SCAF11: variants seen among roughly 807,000 people sequenced by gnomAD.
SCAF11 encodes the protein protein SCAF11.
Under a neutral mutation model 140.5 loss-of-function variants are expected in SCAF11, and 47 were observed. The observed-to-expected ratio is 0.33, with a 90% confidence interval of 0.26 to 0.43. SCAF11 has a LOEUF of 0.43. Among genes scored for constraint, SCAF11 ranks in the 20% least tolerant of loss-of-function variants. The probability of loss-of-function intolerance (pLI) is 1.00; values close to 1 mark genes in which losing one functional copy is unlikely to be tolerated. For missense variants in SCAF11, 1,645 were observed against 1,705.1 expected, an observed-to-expected ratio of 0.96 and a Z score of 0.62; for synonymous variants, 557 against 579.4, an observed-to-expected ratio of 0.96 and a Z score of 0.55.
At chr12:45,924,287 G>C (rs1443647021) in intron 12 of SCAF11, among the ~76,000 whole-genome samples, 1 of 152,116 alleles carries the variant, frequency 6.6e-6, no homozygotes, top group Non-Finnish European at 1.5e-5. Flanking sequence ...AGATGGTAAT[G>C]GATAATAAAC....
At chr12:45,961,648 G>A (rs1470359975) in intron 3 of SCAF11, 52 bp downstream of exon 3, 1 of 1,438,244 alleles carries the variant, frequency 7.0e-7, no homozygotes. Context: ...AACTCTTTAG[G>A]TGAAATGAAA....
rs201718690 is a variant in SCAF11 at position 45,928,779 on chromosome 12, T to C, written c.922A>G (p.Arg308Gly). ...ATTGCAGGTTTTCGTCTTGATCCTC[T>C]GGTATTTGATGTACCAGAAGTTTGC... ...KKQTSGTSNT[R>G]GSRRKPAMTT... The change falls in exon 11 of 15, where the codon AGA becomes GGA. Residue 308 changes from arginine to glycine, a missense_variant. Around this residue, in one of 2 missense-constraint regions of SCAF11, gnomAD observed 1,582 missense variants for 1,609.2 expected, o/e 0.98. Coordinates refer to ENST00000369367, the MANE Select transcript of SCAF11 (RefSeq NM_004719.3). 3.1e-5 allele frequency: 50 copies of C among 1,613,886 alleles called. No homozygotes were observed. Among genetic ancestry groups the C allele is most frequent in the Non-Finnish European group, 4.0e-5 (47 of 1,180,012 alleles).
At chr12:45,955,790 T>C (rs1945676672) in intron 3 of SCAF11, 1 of 183,970 alleles carries the variant, frequency 5.4e-6, no homozygotes, top group Admixed American at 5.6e-5. Context: ...CTGACTTTCA[T>C]TTCAATAATT....
intron 6 of SCAF11, among the ~76,000 whole-genome samples, chr12:45,939,720 C>CAAAT (rs1391868112): frequency 6.6e-6 from 1 of 152,150 alleles, no homozygotes; most frequent in African/African-American, 2.4e-5. Flanking sequence ...CTCAAATAAA[C>CAAAT]AAATAAATAA....
In SCAF11 at chr12:45,972,900, AT is replaced by A. The variant is rs1946120237; in HGVS notation, c.-21-8713del. On this transcript the variant is annotated intron_variant, in intron 1 of 14. Coordinates refer to ENST00000369367, the MANE Select transcript of SCAF11 (RefSeq NM_004719.3). ...TATATAGATATATATATAGATATAT[AT>A]ATATATAGATATATATATAGATATA... 5.0e-4 allele frequency among the ~76,000 whole-genome samples: 3 copies of A among 5,954 alleles called. 1 individual carries two copies. The highest frequency in any genetic ancestry group is 1.5e-3 in the African/African-American group (3 of 1,970). The allele number at this position is 5,954 out of a possible 152,430, so 3.9% of individuals were successfully genotyped here. A position where few individuals can be genotyped will look rare whatever the true frequency, so the allele number is the denominator to read the frequency against.
rs1356195997 is a variant in SCAF11 at position 45,954,596 on chromosome 12, G to C, written c.220-2869C>G. On this transcript the variant is annotated intron_variant, in intron 3 of 14. Coordinates refer to ENST00000369367, the MANE Select transcript of SCAF11 (RefSeq NM_004719.3). ...TTTTTTTTTTTTTTTTTAACACAGG[G>C]TTTCACTCTGTCGCCCACGCTGGAG... 1.5e-4 allele frequency: 22 copies of C among 147,578 alleles called. No individual in the cohort carries two copies. In the East Asian group the frequency reaches 4.3e-3, roughly 29 times the overall value. The allele number at this position is 147,578 out of a possible 1,614,324, so 9.1% of individuals were successfully genotyped here.
intron 4 of SCAF11, among the ~76,000 whole-genome samples, chr12:45,951,113 T>G (rs1945539473): frequency 6.6e-6 from 1 of 152,126 alleles, no homozygotes; most frequent in Admixed American, 6.6e-5. Flanking sequence ...CAACAGTAAG[T>G]AACATTAATG....
intron 1 of SCAF11, among the ~76,000 whole-genome samples, chr12:45,982,589 T>C (rs1946373101): frequency 6.6e-6 from 1 of 152,002 alleles, no homozygotes; most frequent in African/African-American, 2.4e-5. Flanking sequence ...CCTGTAATCC[T>C]AGCTACTCAG....
intron 3 of SCAF11, among the ~76,000 whole-genome samples, chr12:45,957,086 A>G (rs1165127933): frequency 6.6e-6 from 1 of 152,210 alleles, no homozygotes; most frequent in Non-Finnish European, 1.5e-5. Flanking sequence ...AGGCGTAATA[A>G]ATTTAAAAAA....
chr12:45,932,850 A>T (rs1945083911), intron 9 of SCAF11, among the ~76,000 whole-genome samples: 1 of 152,132 alleles, frequency 6.6e-6, no homozygotes, highest in African/African-American at 2.4e-5. Flanking sequence ...TGACAGATGT[A>T]TTACTAACAA....
At chr12:45,983,463 A>T (rs1946389796) in intron 1 of SCAF11, among the ~76,000 whole-genome samples, 1 of 152,154 alleles carries the variant, frequency 6.6e-6, no homozygotes, top group Non-Finnish European at 1.5e-5. Flanking sequence ...TAATCCTCAA[A>T]ATACCAGAAC....
chr12:45,966,977 T>A (rs1387580198), intron 1 of SCAF11, among the ~76,000 whole-genome samples: 2 of 152,234 alleles, frequency 1.3e-5, no homozygotes, highest in Non-Finnish European at 2.9e-5. Context: ...GATGTTCAGA[T>A]GTAATATATT....
chr12:45,928,205 C>G lies in SCAF11; in HGVS notation c.1496G>C (p.Gly499Ala). The G allele has an allele frequency of 6.2e-7, 1 of 1,613,924 alleles. No individual in the cohort carries two copies. The highest frequency in any genetic ancestry group is 8.5e-7 in the Non-Finnish European group (1 of 1,179,986). The change falls in exon 11 of 15, where the codon GGT (glycine) becomes GCT (alanine). Residue 499 changes from glycine (G) to alanine (A), a missense_variant. Coordinates refer to ENST00000369367, the MANE Select transcript of SCAF11 (RefSeq NM_004719.3). ...CAAACACAAAACATTAGCCTCTATA[C>G]CTGTATTCTCGAGTTTTTTAACTTC... ...EGEVKKLENT[G>A]IEANVLCLES...
chr12:45,956,688 T>C (rs981872087), intron 3 of SCAF11, among the ~76,000 whole-genome samples: 2 of 152,158 alleles, frequency 1.3e-5, no homozygotes, highest in African/African-American at 2.4e-5. Context: ...AAGATACCAG[T>C]TGGGGAGAAT....
Position 45,927,301 on chromosome 12 carries a change from A to G in SCAF11, c.2400T>C (p.Thr800=). 6.2e-7 allele frequency: 1 copy of G among 1,614,038 alleles called. No individual in the cohort carries two copies. The highest frequency in any genetic ancestry group is 8.5e-7 in the Non-Finnish European group (1 of 1,180,000). Residue 800 remains threonine, a synonymous_variant, in exon 11 of 15, where the codon ACT becomes ACC. Coordinates refer to ENST00000369367, the MANE Select transcript of SCAF11 (RefSeq NM_004719.3). ...RRSRFHSPST[T]WSPNKDTPQE... Reference sequence around the variant, plus strand: ...GTGGAGTGTCTTTGTTGGGTGACCAAGTTGTAGATGGAGAATGAAATCTAG... The same window carrying G: ...GTGGAGTGTCTTTGTTGGGTGACCAGGTTGTAGATGGAGAATGAAATCTAG...
rs1944811583 is a variant in SCAF11, at chr12:45,924,806, T to C, written c.3828A>G (p.Leu1276=). ...GTGGGGGAGGGGGTGGTGGTGGTGG[T>C]AGTCCCTGAGATACACTGGTAGGAG... ...VATPTSVSQG[L]PPPPPPPPPS... is the part of the protein sequence containing the mutation. Residue 1276 remains leucine, a synonymous_variant, in exon 12 of 15, where the codon CTA becomes CTG. Transcript: ENST00000369367. 6.2e-7 allele frequency: 1 copy of C among 1,613,888 alleles called. No individual in the cohort carries two copies. The highest frequency in any genetic ancestry group is 2.2e-5 in the East Asian group (1 of 44,880).
intron 3 of SCAF11, chr12:45,960,831 T>C (rs1050233806): frequency 1.3e-5 from 2 of 152,304 alleles, no homozygotes; most frequent in African/African-American, 4.8e-5. Context: ...AATTCCAACA[T>C]ATTTAAGAAC....
intron 3 of SCAF11, among the ~76,000 whole-genome samples, chr12:45,952,932 T>C (rs1291995484): frequency 6.6e-6 from 1 of 152,212 alleles, no homozygotes; most frequent in Non-Finnish European, 1.5e-5. Context: ...AAGACATGCT[T>C]ATACAAGTAA....
chr12:45,975,775 G>A (rs1946219410), intron 1 of SCAF11: 1 of 152,146 alleles, frequency 6.6e-6, no homozygotes, highest in African/African-American at 2.4e-5. Flanking sequence ...GGGGAGAGAT[G>A]AGAGAACAGC....
Sources: allele counts gnomAD v4.1 joint callset (sites outside exome capture counted in the v4.1 genomes callset), GRCh38; gene constraint gnomAD v4.1.1; regional missense constraint gnomAD v4.1.1; transcripts MANE v1.5; gene names NCBI Gene and HGNC (gene_info 2026-07-23, HGNC 2026-07-21).